The following PTBP2 variants were observed in gnomAD, a reference collection of about 807,000 sequenced individuals.
PTBP2 encodes the protein polypyrimidine tract binding protein 2.
A neutral mutation model predicts 61.4 loss-of-function variants in PTBP2; 13 were observed. The ratio of observed to expected loss-of-function variants is 0.21; its 90% CI spans 0.14 to 0.34. PTBP2 has a LOEUF of 0.34. Ranked by LOEUF, PTBP2 falls within the 10% of genes least tolerant of loss-of-function variation. PTBP2 has a pLI of 1.00. For synonymous variants in PTBP2, 215 were observed against 218.5 expected (o/e 0.98, Z 0.14); for missense variants, 405 against 642.6 (o/e 0.63, Z 4.00).
At chr1:96,802,762 T>C (rs964789184) in intron 8 of PTBP2, among the ~76,000 whole-genome samples, 1 of 152,196 alleles carries the variant, frequency 6.6e-6, no homozygotes, top group Non-Finnish European at 1.5e-5. Context: ...ATAGAATTTT[T>C]AAGATACTGT....
intron 3 of PTBP2, among the ~76,000 whole-genome samples, chr1:96,761,637 T>C (rs1234021072): frequency 6.6e-6 from 1 of 152,138 alleles, no homozygotes; most frequent in African/African-American, 2.4e-5. Flanking sequence ...ACTGGGTTGG[T>C]AGAAGATGAT....
chr1:96,793,802 C>T (rs1660096766), intron 8 of PTBP2, among the ~76,000 whole-genome samples: 1 of 152,108 alleles, frequency 6.6e-6, no homozygotes, highest in South Asian at 2.1e-4. Flanking sequence ...ATGTGTTTTA[C>T]ATCTGGAATG....
chr1:96,729,179 G>A (rs1651019625), intron 2 of PTBP2, among the ~76,000 whole-genome samples: 3 of 151,810 alleles, frequency 2.0e-5, no homozygotes, highest in South Asian at 4.2e-4. Context: ...ACACCACCAC[G>A]CCCAGCTAAT....
chr1:96,751,065 A>G (rs1377093955), intron 2 of PTBP2, among the ~76,000 whole-genome samples: 1 of 152,114 alleles, frequency 6.6e-6, no homozygotes, highest in Non-Finnish European at 1.5e-5. Flanking sequence ...GGATGAATAA[A>G]GGACCATTGG....
At chr1:96,811,318 G>T (rs778610663) in intron 11 of PTBP2, among the ~76,000 whole-genome samples, 14 of 152,036 alleles carry the variant, frequency 9.2e-5, no homozygotes, top group Non-Finnish European at 2.1e-4. Flanking sequence ...GTATACTGTA[G>T]TATACTGTTT....
At chr1:96,732,489 A>G (rs1229471848) in intron 2 of PTBP2, among the ~76,000 whole-genome samples, 2 of 152,226 alleles carry the variant, frequency 1.3e-5, no homozygotes, top group African/African-American at 4.8e-5. Context: ...TTAATAGTAC[A>G]CATATTAAAT....
At chr1:96,757,387 A>G (rs546704256) in intron 3 of PTBP2, among the ~76,000 whole-genome samples, 1 of 152,358 alleles carries the variant, frequency 6.6e-6, no homozygotes, top group East Asian at 1.9e-4. Flanking sequence ...TTGAAGGGTC[A>G]GTTTATCAGA....
chr1:96,765,708 T>TTAGATAGA (rs34315705), intron 3 of PTBP2, among the ~76,000 whole-genome samples: 25,179 of 147,186 alleles, frequency 0.17, 2,233 homozygotes, highest in Admixed American at 0.18. Context: ...AGACTCTGTC[T>TTAGATAGA]TAGATAGATA....
chr1:96,810,564 C>T (rs1303810702), intron 11 of PTBP2, among the ~76,000 whole-genome samples: 1 of 152,134 alleles, frequency 6.6e-6, no homozygotes, highest in Non-Finnish European at 1.5e-5. Flanking sequence ...TCCTCTATCA[C>T]TCATCTGTTC....
At chr1:96,796,672 A>G (rs1319621326) in intron 8 of PTBP2, among the ~76,000 whole-genome samples, 1 of 152,186 alleles carries the variant, frequency 6.6e-6, no homozygotes, top group Non-Finnish European at 1.5e-5. Context: ...GACAGAATGT[A>G]AGACTGGATT....
intron 11 of PTBP2, among the ~76,000 whole-genome samples, chr1:96,811,946 A>G (rs1415349014): frequency 6.6e-6 from 1 of 152,226 alleles, no homozygotes; most frequent in African/African-American, 2.4e-5. Flanking sequence ...GTTCTGGGGT[A>G]GAGACAAAGG....
At chr1:96,736,895 G>A (rs903278433) in intron 2 of PTBP2, among the ~76,000 whole-genome samples, 6 of 151,968 alleles carry the variant, frequency 3.9e-5, no homozygotes, top group African/African-American at 1.5e-4. Context: ...GCTTAGGCTG[G>A]TCTCAAACTC....
chr1:96,815,849 A>G (rs1173728912), downstream of PTBP2: 1 of 152,206 alleles, frequency 6.6e-6, no homozygotes, highest in African/African-American at 2.4e-5. Flanking sequence ...TCTTAAAATA[A>G]CATCGTAGCA....
chr1:96,730,539 T>C (rs1215457168), intron 2 of PTBP2, among the ~76,000 whole-genome samples: 2 of 152,232 alleles, frequency 1.3e-5, no homozygotes, highest in Non-Finnish European at 2.9e-5. Context: ...ATTTTAGTTT[T>C]ATTCTGGCCA....
intron 11 of PTBP2, among the ~76,000 whole-genome samples, chr1:96,810,803 A>C (rs192494117): frequency 1.3e-5 from 2 of 152,332 alleles, no homozygotes; most frequent in East Asian, 1.9e-4. Context: ...AGAACTTTAA[A>C]ATTTTATAAT....
chr1:96,823,431 A>G (rs1391739490), exon 14 of PTBP2: 1 of 152,216 alleles, frequency 6.6e-6, no homozygotes, highest in Non-Finnish European at 1.5e-5. Flanking sequence ...CATGTAAATT[A>G]TTTGGTTGAG....
intron 11 of PTBP2, among the ~76,000 whole-genome samples, chr1:96,811,564 G>A (rs972449774): frequency 6.6e-6 from 1 of 152,098 alleles, no homozygotes. Flanking sequence ...CCACAGGCAC[G>A]AGCCACCACG....
At chr1:96,798,482 A>G (rs1660620411) in intron 8 of PTBP2, among the ~76,000 whole-genome samples, 1 of 152,220 alleles carries the variant, frequency 6.6e-6, no homozygotes, top group South Asian at 2.1e-4. Flanking sequence ...CACAAGACTA[A>G]TAACTACGAG....
chr1:96,799,293 G>GTTTTTTTTTTTTTTTTT (rs1557768004), intron 8 of PTBP2, among the ~76,000 whole-genome samples: 4 of 88,286 alleles, frequency 4.5e-5, no homozygotes, highest in African/African-American at 5.9e-5. Flanking sequence ...AATAGATCAA[G>GTTTTTTTTTTTTTTTTT]CTTTTTTTTT....
Sources: allele counts gnomAD v4.1 joint callset (sites outside exome capture counted in the v4.1 genomes callset), GRCh38; gene constraint gnomAD v4.1.1; transcripts MANE v1.5; gene names NCBI Gene and HGNC (gene_info 2026-07-23, HGNC 2026-07-21).